ARMH4: variants seen among roughly 807,000 people sequenced by gnomAD.
The protein encoded by ARMH4 is armadillo-like helical domain-containing protein 4.
In ARMH4, 49 loss-of-function variants were observed where a neutral mutation model predicts 61.9. The ratio of observed to expected loss-of-function variants is 0.79; its 90% confidence interval spans 0.63 to 1.00. The LOEUF (loss-of-function observed/expected upper bound fraction) is 1.00. ARMH4 is among the 50% of genes least tolerant of loss of function. The probability of loss-of-function intolerance (pLI) is 0.00; values close to 1 mark genes in which losing one functional copy is unlikely to be tolerated. For synonymous variants in ARMH4, 368 were observed against 341.5 expected, an observed-to-expected ratio of 1.08 and a Z score of -0.85; for missense variants, 934 against 930.0, an observed-to-expected ratio of 1.00 and a Z score of -0.06.
Position 58,133,311 on chromosome 14 carries a change from A to G in ARMH4, c.1400T>C (p.Val467Ala). ...DIITQEMTTA[V>A]QEPDATLSMV... Reference sequence around the variant, plus strand: ...GGATAAAGTGGCATCTGGCTCTTGAACAGCTGTTGTCATCTCTTGAGTGAT... The same window carrying G: ...GGATAAAGTGGCATCTGGCTCTTGAGCAGCTGTTGTCATCTCTTGAGTGAT... The change falls in exon 3 of 8, where the codon GTT (valine) becomes GCT (alanine). Residue 467 changes from valine (V) to alanine (A), a missense_variant. Val to Ala is a moderately conservative substitution (Grantham distance 64). Coordinates refer to ENST00000267485, the MANE Select transcript of ARMH4 (RefSeq NM_001001872.4). The G allele has an allele frequency of 6.2e-7, 1 of 1,613,852 alleles. No individual in the cohort carries two copies. Among genetic ancestry groups the G allele is most frequent in the Non-Finnish European group, 8.5e-7 (1 of 1,179,946 alleles).
chr14:58,141,513 T>G (rs1216480060), intron 1 of ARMH4: 1 of 538,202 alleles, frequency 1.9e-6, no homozygotes, highest in Admixed American at 2.0e-5. Context: ...GTGGCATTAC[T>G]GAGCCTTCCC....
At chr14:58,077,214 AG>A (rs1259968515) in intron 5 of ARMH4, among the ~76,000 whole-genome samples, 1 of 152,228 alleles carries the variant, frequency 6.6e-6, no homozygotes, top group Non-Finnish European at 1.5e-5. Context: ...TGGTTACAAA[AG>A]GGTGGTTGTT....
intron 5 of ARMH4, among the ~76,000 whole-genome samples, chr14:58,070,563 A>T (rs780857568): frequency 3.3e-5 from 5 of 152,214 alleles, no homozygotes; most frequent in Non-Finnish European, 7.3e-5. Flanking sequence ...GGACATAAAA[A>T]TGGCAAGGGG....
chr14:58,066,510 A>G (rs1403880812), intron 5 of ARMH4, among the ~76,000 whole-genome samples: 1 of 152,224 alleles, frequency 6.6e-6, no homozygotes, highest in South Asian at 2.1e-4. Context: ...AAACACTGTG[A>G]GTTTATTAAA....
intron 4 of ARMH4, chr14:58,131,296 A>C: frequency 2.0e-6 from 1 of 492,736 alleles, no homozygotes; most frequent in East Asian, 3.2e-5. Context: ...TCTTCTTTTG[A>C]CTTTTTTTTT....
At chr14:58,123,429 C>G (rs1302194510) in intron 4 of ARMH4, among the ~76,000 whole-genome samples, 1 of 152,142 alleles carries the variant, frequency 6.6e-6, no homozygotes, top group Non-Finnish European at 1.5e-5. Flanking sequence ...TGTTAAGGAC[C>G]TAAAAGCCCA....
intron 5 of ARMH4, among the ~76,000 whole-genome samples, chr14:58,065,934 T>A (rs534136332): frequency 6.6e-6 from 1 of 152,320 alleles, no homozygotes; most frequent in East Asian, 1.9e-4. Context: ...CTTACAGCTG[T>A]CAAGATACTG....
At chr14:58,126,683 CA>C (rs1886905709) in intron 4 of ARMH4, among the ~76,000 whole-genome samples, 1 of 151,766 alleles carries the variant, frequency 6.6e-6, no homozygotes, top group Non-Finnish European at 1.5e-5. Context: ...ACAGACAAAA[CA>C]GTCTTAGAAA....
chr14:58,117,217 C>T (rs1054997377), intron 4 of ARMH4, among the ~76,000 whole-genome samples: 9 of 152,152 alleles, frequency 5.9e-5, no homozygotes, highest in African/African-American at 2.2e-4. Flanking sequence ...CTCAAGTATG[C>T]TATAAAGAGA....
chr14:58,074,725 C>T (rs756729608), intron 5 of ARMH4, among the ~76,000 whole-genome samples: 3 of 152,020 alleles, frequency 2.0e-5, no homozygotes, highest in Non-Finnish European at 2.9e-5. Flanking sequence ...ACAGAAGTAA[C>T]ATGTAGTAAA....
intron 5 of ARMH4, among the ~76,000 whole-genome samples, chr14:58,020,609 G>C (rs1882789190): frequency 6.6e-6 from 1 of 152,016 alleles, no homozygotes. Flanking sequence ...GTGGGGTGAG[G>C]GGACTCTCTT....
chr14:58,042,970 C>T (rs893046012), intron 5 of ARMH4, among the ~76,000 whole-genome samples: 1 of 152,036 alleles, frequency 6.6e-6, no homozygotes, highest in Non-Finnish European at 1.5e-5. Flanking sequence ...TAATAGCTTA[C>T]CAACCAAAAA....
At chr14:58,014,623 T>C (rs4901832) in intron 5 of ARMH4, among the ~76,000 whole-genome samples, 8,008 of 152,278 alleles carry the variant, frequency 0.053, 325 homozygotes, top group Non-Finnish European at 0.08. Context: ...CATATTTAAA[T>C]AGAAGCAAGA....
At chr14:58,077,999 T>G (rs1885101771) in intron 5 of ARMH4, among the ~76,000 whole-genome samples, 1 of 152,208 alleles carries the variant, frequency 6.6e-6, no homozygotes, top group Non-Finnish European at 1.5e-5. Context: ...TCCCTTAGCT[T>G]TCTGATATTT....
intron 5 of ARMH4, among the ~76,000 whole-genome samples, chr14:58,091,662 G>C (rs909373574): frequency 6.6e-6 from 1 of 152,164 alleles, no homozygotes; most frequent in Non-Finnish European, 1.5e-5. Context: ...ATAATTGTGT[G>C]ATTTATTATA....
chr14:58,080,969 G>T (rs8015779), intron 5 of ARMH4, among the ~76,000 whole-genome samples: 4,722 of 151,928 alleles, frequency 0.031, 254 homozygotes, highest in African/African-American at 0.11. Context: ...AGGTGTGGTG[G>T]TGCACACCTG....
chr14:58,122,177 GC>G (rs1886745732), intron 4 of ARMH4, among the ~76,000 whole-genome samples: 1 of 152,160 alleles, frequency 6.6e-6, no homozygotes, highest in African/African-American at 2.4e-5. Context: ...GACAGTTCAA[GC>G]CTATCACACT....
chr14:58,088,299 G>T (rs1421356176), intron 5 of ARMH4, among the ~76,000 whole-genome samples: 1 of 151,898 alleles, frequency 6.6e-6, no homozygotes, highest in East Asian at 1.9e-4. Context: ...CAACTCAAAT[G>T]GAAAGATCTA....
intron 5 of ARMH4, among the ~76,000 whole-genome samples, chr14:58,019,652 A>G (rs555687191): frequency 1.8e-4 from 28 of 152,150 alleles, no homozygotes; most frequent in African/African-American, 5.1e-4. Flanking sequence ...TTAGCCGAGT[A>G]TGGTGGCATG....
Sources: allele counts gnomAD v4.1 joint callset (sites outside exome capture counted in the v4.1 genomes callset), GRCh38; gene constraint gnomAD v4.1.1; transcripts MANE v1.5; gene names NCBI Gene and HGNC (gene_info 2026-07-23, HGNC 2026-07-21).